Variants in SACS observed in about 807,000 individuals in gnomAD.
SACS encodes the protein sacsin molecular chaperone.
SACS carries 197 observed loss-of-function variants against 348.0 expected under a neutral mutation model. The ratio of observed to expected loss-of-function variants is 0.57; its 90% CI spans 0.50 to 0.64. SACS has a LOEUF of 0.64. SACS is among the 30% of genes least tolerant of loss of function. The probability of loss-of-function intolerance (pLI) is 0.00; values close to 1 mark genes in which losing one functional copy is unlikely to be tolerated. For synonymous variants in SACS, 1,985 were observed against 1,910.6 expected (o/e 1.04, Z -1.02); for missense variants, 4,999 against 5,360.8 (o/e 0.93, Z 2.11).
intron 2 of SACS, among the ~76,000 whole-genome samples, chr13:23,380,148 T>TGTGA (rs35527942): frequency 0.41 from 60,608 of 147,666 alleles, 13,889 homozygotes; most frequent in Admixed American, 0.58. Flanking sequence ...TGTGTGTGTG[T>TGTGA]GAGAGAGAGA....
chr13:23,397,967 AGATCACCT>A (rs1172352706), intron 2 of SACS, among the ~76,000 whole-genome samples: 1 of 152,120 alleles, frequency 6.6e-6, no homozygotes, highest in Non-Finnish European at 1.5e-5. Flanking sequence ...CGAGGTGGGC[AGATCACCT>A]GAGGTCGGGA....
chr13:23,432,126 C>T (rs1874455133), intron 1 of SACS, among the ~76,000 whole-genome samples: 1 of 152,082 alleles, frequency 6.6e-6, no homozygotes, highest in African/African-American at 2.4e-5. Flanking sequence ...ATGTGGTAGA[C>T]CTGAGATTGG....
rs757576348 is a variant in SACS at position 23,338,410 on chromosome 13, A to G, written c.5466T>C (p.Thr1822=). 3.7e-6 allele frequency: 6 copies of G among 1,614,056 alleles called. No homozygotes were observed. The South Asian group carries it at 6.6e-5, about 18-fold the overall frequency. The change falls in exon 10 of 10, where the codon ACT becomes ACC. Residue 1822 remains threonine (T), a synonymous_variant. Coordinates refer to ENST00000382292, the MANE Select transcript of SACS (RefSeq NM_014363.6). ...TVECTTWLLC[T]CMDTGEALKF... The stretch of plus-strand genomic sequence containing the variant: ...TCAGAGCCTCTCCTGTGTCCATGCA[A>G]GTACACAGAAGCCACGTGGTACACT...
At chr13:23,390,788 C>T (rs941338938) in intron 2 of SACS, among the ~76,000 whole-genome samples, 14 of 152,234 alleles carry the variant, frequency 9.2e-5, no homozygotes, top group Admixed American at 7.2e-4. Flanking sequence ...AGCCATCCCT[C>T]GTCGTGTCTA....
chr13:23,335,636 A>G lies in SACS; in HGVS notation c.8240T>C (p.Ile2747Thr). The G allele has an allele frequency of 6.2e-7, 1 of 1,613,942 alleles. No homozygotes were observed. The highest frequency in any genetic ancestry group is 8.5e-7 in the Non-Finnish European group (1 of 1,179,892). The change falls in exon 10 of 10, where the codon ATT (isoleucine) becomes ACT (threonine). Residue 2747 changes from isoleucine (I) to threonine (T), a missense_variant. Coordinates refer to ENST00000382292, the MANE Select transcript of SACS (RefSeq NM_014363.6). The surrounding 1 kb of genome is among the most constrained non-coding windows in gnomAD (Gnocchi z 4.7). ...ACTCTTATCTATTTCACAAATAGAAATTTTTTCCATGTGATTAAGAAACAT... is the reference window on the plus strand; with the variant it reads ...ACTCTTATCTATTTCACAAATAGAAGTTTTTTCCATGTGATTAAGAAACAT... ...LLMFLNHMEKISICEIDKSTG... is the reference protein window; with the variant it reads ...LLMFLNHMEKTSICEIDKSTG...
intron 1 of SACS, among the ~76,000 whole-genome samples, chr13:23,421,012 C>G (rs2137994320): frequency 6.6e-6 from 1 of 152,272 alleles, no homozygotes; most frequent in African/African-American, 2.4e-5. Flanking sequence ...CTCCTGGCAC[C>G]TGGTGTCTGC....
intron 3 of SACS, among the ~76,000 whole-genome samples, chr13:23,371,994 T>C (rs1871416535): frequency 6.6e-6 from 1 of 152,230 alleles, no homozygotes; most frequent in African/African-American, 2.4e-5. Flanking sequence ...CTGTCTCTAT[T>C]TGAAAAAAAT....
At chr13:23,426,442 A>T (rs1385238074) in intron 1 of SACS, among the ~76,000 whole-genome samples, 1 of 152,126 alleles carries the variant, frequency 6.6e-6, no homozygotes. Context: ...GGAGTTCAAG[A>T]CCAGCCTGGC....
Position 23,336,938 on chromosome 13 carries a change from TC to T in SACS, c.6937del (p.Glu2313ArgfsTer15). On this transcript the variant is annotated frameshift_variant, in exon 10 of 10. Coordinates refer to ENST00000382292, the MANE Select transcript of SACS (RefSeq NM_014363.6). LOFTEE classifies it high-confidence loss of function. ...TTTGTAGCAAGCATTGGTGATATTC[TC>T]CTGGTACAGTGTAATTCCATCATCA... ...SVDDGITLYQ[E>X]NITNACYKYL... 1.9e-6 allele frequency: 3 copies of T among 1,613,968 alleles called. No homozygotes were observed. Among genetic ancestry groups the T allele is most frequent in the Non-Finnish European group, 2.5e-6 (3 of 1,179,866 alleles).
intron 5 of SACS, 36 bp downstream of exon 5, chr13:23,368,366 A>C: frequency 2.1e-6 from 3 of 1,444,318 alleles, no homozygotes; most frequent in Non-Finnish European, 1.9e-6. Flanking sequence ...CATTTTTATC[A>C]AAGTAAATAA....
intron 2 of SACS, among the ~76,000 whole-genome samples, chr13:23,405,708 AC>A (rs1206880553): frequency 2.0e-5 from 3 of 151,958 alleles, no homozygotes; most frequent in East Asian, 3.9e-4. Flanking sequence ...GAAAAAAAAA[AC>A]CCCATTAAAA....
intron 2 of SACS, among the ~76,000 whole-genome samples, chr13:23,408,377 G>A (rs750052645): frequency 2.0e-5 from 3 of 152,204 alleles, no homozygotes; most frequent in Non-Finnish European, 4.4e-5. Flanking sequence ...CAATGGAGAA[G>A]GAGCCAGTCC....
chr13:23,391,831 A>C (rs939661088), intron 2 of SACS, among the ~76,000 whole-genome samples: 1 of 148,098 alleles, frequency 6.8e-6, no homozygotes, highest in Non-Finnish European at 1.5e-5. Context: ...AGCATGCCAG[A>C]TTGGCAGGAA....
intron 1 of SACS, among the ~76,000 whole-genome samples, chr13:23,411,979 G>A (rs1483451569): frequency 6.6e-6 from 1 of 152,206 alleles, no homozygotes; most frequent in African/African-American, 2.4e-5. Context: ...AAGTACATCG[G>A]CCGGGCGCGG....
At position 23,371,138 on chromosome 13, in the gene SACS, G is replaced by C. The variant is rs769143590; in HGVS notation, c.199C>G (p.Leu67Val). 1 of 1,610,996 alleles carries C rather than the reference G, an allele frequency of 6.2e-7. No individual in the cohort carries two copies. The highest frequency in any genetic ancestry group is 8.5e-7 in the Non-Finnish European group (1 of 1,177,790). The change falls in exon 4 of 10, where the codon CTG becomes GTG. Residue 67 changes from leucine (L) to valine (V), a missense_variant. This residue lies in a region of SACS where 3,156 missense variants were observed against 3,380.1 expected (regional missense o/e 0.93). Coordinates refer to ENST00000382292, the MANE Select transcript of SACS (RefSeq NM_014363.6). ...ELSDWIKIGD[L>V]TSKNCHLFVN... is the part of the protein sequence containing the mutation. ...AAAAGATGACAATTTTTGGAAGTCA[G>C]ATCTCCAATCTTGATCCAGTCAGAT...
chr13:23,334,086 T>C lies in SACS; in HGVS notation c.9790A>G (p.Thr3264Ala), dbSNP rs751873379. Residue 3264 changes from threonine to alanine, a missense_variant, in exon 10 of 10, where the codon ACA becomes GCA. Physicochemically the swap from Thr to Ala is moderately conservative, Grantham distance 58 (BLOSUM62 0). Coordinates refer to ENST00000382292, the MANE Select transcript of SACS (RefSeq NM_014363.6). Reference protein sequence around the residue: ...SVSVKEDQEETKPTFDIVVDT... With the variant: ...SVSVKEDQEEAKPTFDIVVDT... ...ACAACAATGTCAAATGTTGGTTTTG[T>C]TTCTTCCTGATCTTCTTTCACACTT... 2 of 1,613,756 alleles carry C rather than the reference T, an allele frequency of 1.2e-6. No homozygotes were observed. The highest frequency in any genetic ancestry group is 1.7e-6 in the Non-Finnish European group (2 of 1,179,710).
intron 5 of SACS, among the ~76,000 whole-genome samples, chr13:23,367,840 C>T (rs1007068621): frequency 2.0e-5 from 3 of 152,148 alleles, no homozygotes; most frequent in African/African-American, 7.2e-5. Context: ...GTGATCCACC[C>T]GCCTCAGCCT....
intron 3 of SACS, among the ~76,000 whole-genome samples, 174 bp from the exon 4 acceptor site, chr13:23,371,339 T>C (rs112987766): frequency 6.6e-6 from 1 of 152,242 alleles, no homozygotes; most frequent in African/African-American, 2.4e-5. Context: ...TCAAAAACTT[T>C]ATTTAAAAAT....
intron 1 of SACS, chr13:23,427,975 C>T (rs1874260802): frequency 6.6e-6 from 1 of 152,178 alleles, no homozygotes. Context: ...GCCCCTCTTC[C>T]CTGAAGGATT....
Sources: allele counts gnomAD v4.1 joint callset (sites outside exome capture counted in the v4.1 genomes callset), GRCh38; gene constraint gnomAD v4.1.1; regional missense constraint gnomAD v4.1.1; non-coding constraint Gnocchi (gnomAD v3.1); transcripts MANE v1.5; gene names NCBI Gene and HGNC (gene_info 2026-07-23, HGNC 2026-07-21).